MPP7: variants seen among roughly 807,000 people sequenced by gnomAD.
MPP7 encodes the protein MAGUK p55 subfamily member 7.
Under a neutral mutation model 76.5 loss-of-function variants are expected in MPP7, and 60 were observed. The ratio of observed to expected loss-of-function variants is 0.78; its 90% confidence interval spans 0.64 to 0.97. The LOEUF (loss-of-function observed/expected upper bound fraction) is 0.97, where lower values mean the gene tolerates loss of function less well. Ranked by LOEUF, MPP7 falls within the 50% of genes least tolerant of loss-of-function variation. The pLI is 0.00. For missense variants in MPP7, 641 were observed against 694.0 expected (o/e 0.92, Z 0.86); for synonymous variants, 237 against 244.5 (o/e 0.97, Z 0.29).
At chr10:28,236,430 C>T (rs985525108) in intron 2 of MPP7, among the ~76,000 whole-genome samples, 1 of 151,810 alleles carries the variant, frequency 6.6e-6, no homozygotes, top group Non-Finnish European at 1.5e-5. Context: ...AGAAAAAAAG[C>T]TGAAGAATAA....
chr10:28,130,618 A>G (rs528340707), intron 6 of MPP7, among the ~76,000 whole-genome samples: 42 of 152,244 alleles, frequency 2.8e-4, no homozygotes, highest in African/African-American at 8.9e-4. Context: ...TCTCCTAAAG[A>G]TATCTTTGAC....
rs140041752 is a variant in MPP7, at chr10:28,120,322, C to G, written c.759G>C (p.Gly253=). 2 of 1,613,950 alleles carry G rather than the reference C, an allele frequency of 1.2e-6. No individual in the cohort carries two copies. Among genetic ancestry groups the G allele is most frequent in the Non-Finnish European group, 1.7e-6 (2 of 1,179,950 alleles). ...EDKAIPCKEA[G]LSFKKGDILQ... ...GAATATCTCCCTTTTTGAAAGAAAG[C>G]CCAGCTTCCTTACATGGAATTGCCT... The change falls in exon 10 of 17, where the codon GGG becomes GGC. Residue 253 remains glycine, a synonymous_variant. Coordinates refer to ENST00000683449, the MANE Select transcript of MPP7 (RefSeq NM_001318170.2).
At chr10:28,248,354 A>G (rs1051880526) in intron 1 of MPP7, among the ~76,000 whole-genome samples, 2 of 151,942 alleles carry the variant, frequency 1.3e-5, no homozygotes, top group African/African-American at 4.8e-5. Flanking sequence ...CTATTCATAC[A>G]CTCCCGGGAG....
intron 1 of MPP7, among the ~76,000 whole-genome samples, chr10:28,270,580 A>G (rs2133027195): frequency 7.2e-6 from 1 of 139,752 alleles, no homozygotes; most frequent in African/African-American, 2.7e-5. Context: ...ATCTACATCT[A>G]TTGCTGGGTG....
At position 28,211,816 on chromosome 10, in the gene MPP7, A is replaced by C. The variant is rs75118965; in HGVS notation, c.38-9545T>G. Among the ~76,000 whole-genome samples the C allele has an allele frequency of 4.7e-3, 713 of 152,132 alleles. 5 individuals are homozygous for C. Among genetic ancestry groups the C allele is most frequent in the African/African-American group, 0.016 (666 of 41,512 alleles). On this transcript the variant is annotated intron_variant, in intron 2 of 16. Transcript: ENST00000683449. ...GCAGAGGGAGCAAGAAGAAGAGGGG[A>C]TATAAGGAAGGATATGGGAGCCCAG...
At chr10:28,215,986 T>C (rs982879657) in intron 2 of MPP7, among the ~76,000 whole-genome samples, 1 of 152,078 alleles carries the variant, frequency 6.6e-6, no homozygotes, top group Non-Finnish European at 1.5e-5. Context: ...CAATAGGCAA[T>C]AAAGACAGGC....
At chr10:28,070,155 T>C (rs915342103) in intron 12 of MPP7, among the ~76,000 whole-genome samples, 2 of 152,162 alleles carry the variant, frequency 1.3e-5, no homozygotes, top group African/African-American at 2.4e-5. Context: ...TCCAGCACTT[T>C]GGGAGGCCGA....
In MPP7 at chr10:28,091,331, AG is replaced by A. The variant is rs201480314; in HGVS notation, c.953-1491del. Among the ~76,000 whole-genome samples the A allele has an allele frequency of 6.1e-3, 899 of 148,394 alleles. 8 individuals carry two copies. Among genetic ancestry groups the A allele is most frequent in the Admixed American group, 0.012 (177 of 14,676 alleles). ...AGATGGAGTTTTGCTCTTGTTGTCC[AG>A]GCTAGAGTGCAATGGCATGATCTCG... On this transcript the variant is annotated intron_variant, in intron 11 of 16. Transcript: ENST00000683449.
rs1233899335 is a variant in MPP7, at chr10:28,110,613, T to C, written c.952+9038A>G. On this transcript the variant is annotated intron_variant, in intron 11 of 16. Transcript: ENST00000683449. ...ATTGGTATTTCTTTTAAAGAACTGATAAAAACATTTGTAAAGTAAGCAATG... is the reference window on the plus strand; with the variant it reads ...ATTGGTATTTCTTTTAAAGAACTGACAAAAACATTTGTAAAGTAAGCAATG... Among the ~76,000 whole-genome samples, 3 of 152,186 alleles carry C rather than the reference T, an allele frequency of 2.0e-5. No homozygotes were observed. The South Asian group carries it at 6.2e-4, about 31-fold the overall frequency.
At chr10:28,203,702 A>G (rs1422555041) in intron 2 of MPP7, among the ~76,000 whole-genome samples, 4 of 152,188 alleles carry the variant, frequency 2.6e-5, no homozygotes, top group African/African-American at 9.7e-5. Context: ...ACAATGGCCA[A>G]GATCAGTGGT....
chr10:28,170,450 G>C (rs1204427980), intron 3 of MPP7, among the ~76,000 whole-genome samples: 1 of 151,766 alleles, frequency 6.6e-6, no homozygotes. Flanking sequence ...GATTACAGGG[G>C]TGAACCACTG....
At chr10:28,069,100 CATT>C (rs929634530) in intron 13 of MPP7, among the ~76,000 whole-genome samples, 6 of 152,000 alleles carry the variant, frequency 3.9e-5, no homozygotes, top group African/African-American at 1.5e-4. Flanking sequence ...ACTAAGCAAT[CATT>C]ATTAACGAGT....
chr10:28,094,078 G>T (rs1394200281), intron 11 of MPP7, among the ~76,000 whole-genome samples: 4 of 152,172 alleles, frequency 2.6e-5, no homozygotes, highest in Non-Finnish European at 5.9e-5. Flanking sequence ...CTGCAAACAA[G>T]AAAGCCTTAG....
At chr10:28,298,978 A>G (rs1411019485) in intron 1 of MPP7, among the ~76,000 whole-genome samples, 1 of 152,162 alleles carries the variant, frequency 6.6e-6, no homozygotes, top group Non-Finnish European at 1.5e-5. Context: ...CGAATTGAAG[A>G]GAGGGTTTTG....
chr10:28,317,829 G>T (rs893353105), intron 2 of MPP7, among the ~76,000 whole-genome samples: 2 of 152,140 alleles, frequency 1.3e-5, no homozygotes, highest in African/African-American at 2.4e-5. Flanking sequence ...TTAGGAAAAG[G>T]CACTCTTCCT....
Position 28,262,988 on chromosome 10 carries a change from G to A in MPP7, c.-131-24253C>T, listed in dbSNP as rs369114645. Among the ~76,000 whole-genome samples the A allele has an allele frequency of 2.6e-4, 39 of 152,184 alleles. 1 individual carries two copies. Among genetic ancestry groups the A allele is most frequent in the Middle Eastern group, 3.4e-3 (1 of 294 alleles). The stretch of plus-strand genomic sequence containing the variant: ...CGAGAATCGCTTGAACCCAGGAGGC[G>A]GAGGCTGCAGTGAGCTGAGTTCGCA... On this transcript the variant is annotated intron_variant, in intron 1 of 16. Coordinates refer to ENST00000683449, the MANE Select transcript of MPP7 (RefSeq NM_001318170.2).
At chr10:28,200,505 C>T (rs1837735392) in intron 3 of MPP7, among the ~76,000 whole-genome samples, 2 of 152,138 alleles carry the variant, frequency 1.3e-5, no homozygotes, top group Non-Finnish European at 2.9e-5. Context: ...TTAGTATTGA[C>T]ATATACTTTG....
At chr10:28,300,949 G>GA (rs71523600) in intron 1 of MPP7, among the ~76,000 whole-genome samples, 1,695 of 108,430 alleles carry the variant, frequency 0.016, 19 homozygotes, top group African/African-American at 0.044. Flanking sequence ...CTCCACCTCA[G>GA]AAAAAAAAAA....
intron 11 of MPP7, among the ~76,000 whole-genome samples, chr10:28,104,741 T>C (rs935924528): frequency 3.9e-5 from 6 of 152,176 alleles, no homozygotes; most frequent in African/African-American, 1.4e-4. Flanking sequence ...TGTGGAAGGA[T>C]GTATTCTTTT....
Sources: gnomAD v4.1 joint callset for allele counts (sites outside exome capture counted in the v4.1 genomes callset) on GRCh38, gnomAD v4.1.1 for gene constraint, MANE v1.5 for transcripts, NCBI Gene and HGNC (gene_info 2026-07-23, HGNC 2026-07-21) for gene names.